TXNDC11: variants seen among roughly 807,000 people sequenced by gnomAD.
The protein encoded by TXNDC11 is thioredoxin domain-containing protein 11.
In TXNDC11, 68 loss-of-function variants were observed where a neutral mutation model predicts 78.0. The ratio of observed to expected loss-of-function variants is 0.87; its 90% CI spans 0.72 to 1.07. TXNDC11 has a LOEUF of 1.07. Ranked by LOEUF, TXNDC11 falls within the 50% of genes least tolerant of loss-of-function variation. TXNDC11 has a pLI of 0.00. For synonymous variants in TXNDC11, 571 were observed against 495.2 expected, an observed-to-expected ratio of 1.15 and a Z score of -2.03; for missense variants, 1,389 against 1,221.8, an observed-to-expected ratio of 1.14 and a Z score of -2.04.
intron 5 of TXNDC11, among the ~76,000 whole-genome samples, chr16:11,702,323 A>G (rs1455174401): frequency 1.3e-5 from 2 of 152,276 alleles, no homozygotes; most frequent in Non-Finnish European, 2.9e-5. Context: ...AAAAAGGTAC[A>G]TTCTTTCCTA....
chr16:11,742,211 G>C (rs915510984), intron 1 of TXNDC11: 2 of 412,696 alleles, frequency 4.8e-6, no homozygotes, highest in African/African-American at 4.2e-5. Flanking sequence ...CAGGTGAGGA[G>C]CACCCCCGAC....
intron 3 of TXNDC11, among the ~76,000 whole-genome samples, chr16:11,731,900 T>A (rs1386061501): frequency 6.6e-6 from 1 of 152,102 alleles, no homozygotes; most frequent in African/African-American, 2.4e-5. Context: ...ACCAACCCCA[T>A]CAACCACCAA....
rs372377067 is a variant in TXNDC11 at position 11,733,974 on chromosome 16, G to C, written c.569+8C>G. 11 of 1,594,084 alleles carry C rather than the reference G, an allele frequency of 6.9e-6. No homozygotes were observed. In the African/African-American group the frequency reaches 1.5e-4, roughly 21 times the overall value. On this transcript the variant is annotated splice_region_variant and intron_variant, in intron 3 of 11. Coordinates refer to ENST00000283033, the MANE Select transcript of TXNDC11 (RefSeq NM_015914.7). Reference sequence around the variant, plus strand: ...TGGAATGAGAGACGCTATTTAAAAAGTTCTTACCTCCGATGATACAGATAT... The same window carrying C: ...TGGAATGAGAGACGCTATTTAAAAACTTCTTACCTCCGATGATACAGATAT...
rs759192885 is a variant in TXNDC11 at position 11,700,547 on chromosome 16, G to GTAC, written c.808_810dup (p.Val270dup). Reference sequence around the variant, plus strand: ...TGTTTATTTGTGATAACCCCAAATCGTACTGTTCCTAGGTAATCTGAAACA... The same window carrying GTAC: ...TGTTTATTTGTGATAACCCCAAATCGTACTACTGTTCCTAGGTAATCTGAAACA... On this transcript the variant is annotated inframe_insertion, in exon 6 of 12. Transcript: ENST00000283033. The GTAC allele has an allele frequency of 5.6e-6, 9 of 1,595,116 alleles. No individual in the cohort carries two copies. Among genetic ancestry groups the GTAC allele is most frequent in the Non-Finnish European group, 7.7e-6 (9 of 1,163,114 alleles).
intron 1 of TXNDC11, among the ~76,000 whole-genome samples, chr16:11,737,874 A>T (rs2052272846): frequency 6.6e-6 from 1 of 151,072 alleles, no homozygotes; most frequent in African/African-American, 2.4e-5. Context: ...AAAAAAAAAA[A>T]GGAAGCAACC....
At chr16:11,690,339 C>A (rs565735963) in intron 8 of TXNDC11, among the ~76,000 whole-genome samples, 68 of 152,318 alleles carry the variant, frequency 4.5e-4, no homozygotes, top group African/African-American at 1.3e-3. Context: ...CATCATGGAG[C>A]CTTACTCCTC....
At chr16:11,724,042 G>C (rs989618720) in intron 4 of TXNDC11, among the ~76,000 whole-genome samples, 1 of 152,142 alleles carries the variant, frequency 6.6e-6, no homozygotes, top group African/African-American at 2.4e-5. Context: ...CAGCACTCAC[G>C]CCTGTAATCC....
Position 11,679,567 on chromosome 16 carries a change from C to T in TXNDC11, c.2505G>A (p.Glu835=), listed in dbSNP as rs1446946593. The part of the protein sequence containing the change: ...ESQLSSARRD[E]HRLRQQQRAL... The stretch of plus-strand genomic sequence containing the variant: ...CCCGCTGCTGCTGCCGCAGCCGGTG[C>T]TCATCTCTGCGGGCACTGGAGAGCT... Residue 835 remains glutamate, a synonymous_variant, in exon 12 of 12, where the codon GAG becomes GAA. Coordinates refer to ENST00000283033, the MANE Select transcript of TXNDC11 (RefSeq NM_015914.7). The surrounding 1 kb of genome is among the most constrained non-coding windows in gnomAD (Gnocchi z 4.6). 6.2e-7 allele frequency: 1 copy of T among 1,613,968 alleles called. No homozygotes were observed. The highest frequency in any genetic ancestry group is 8.5e-7 in the Non-Finnish European group (1 of 1,180,042).
chr16:11,733,871 C>G (rs2052132549), intron 3 of TXNDC11, 111 bp downstream of exon 3: 1 of 739,990 alleles, frequency 1.4e-6, no homozygotes, highest in Non-Finnish European at 2.2e-6. Context: ...TCTGTATTAT[C>G]TGAATTTTCT....
chr16:11,693,387 G>T (rs969310437), intron 7 of TXNDC11, among the ~76,000 whole-genome samples: 1 of 152,124 alleles, frequency 6.6e-6, no homozygotes, highest in Non-Finnish European at 1.5e-5. Flanking sequence ...TAAAACAGAA[G>T]AGTCTGTCAA....
At chr16:11,710,094 G>T (rs987577734) in intron 5 of TXNDC11, among the ~76,000 whole-genome samples, 4 of 152,044 alleles carry the variant, frequency 2.6e-5, no homozygotes, top group Non-Finnish European at 5.9e-5. Context: ...AGCGAGCCAA[G>T]ATCACACCAC....
intron 6 of TXNDC11, among the ~76,000 whole-genome samples, chr16:11,699,843 A>C (rs7196521): frequency 0.058 from 8,837 of 152,300 alleles, 860 homozygotes; most frequent in African/African-American, 0.2. Flanking sequence ...GTGACTTAGG[A>C]AGCAGCAACA....
chr16:11,740,147 A>T (rs557689342), intron 1 of TXNDC11, among the ~76,000 whole-genome samples: 1,557 of 98,784 alleles, frequency 0.016, 28 homozygotes, highest in African/African-American at 0.097. Context: ...GAGCCAAGAT[A>T]AAAAAAAAAA....
intron 8 of TXNDC11, 137 bp downstream of exon 8, chr16:11,691,150 ATGG>A: frequency 1.5e-6 from 1 of 669,324 alleles, no homozygotes; most frequent in Non-Finnish European, 2.5e-6. Flanking sequence ...ATTATGACTG[ATGG>A]TGGTCTAAAG....
Position 11,679,472 on chromosome 16 carries a change from G to GTCT in TXNDC11, c.2597_2599dup (p.Lys866dup). 1 of 1,613,716 alleles carries GTCT rather than the reference G, an allele frequency of 6.2e-7. No individual in the cohort carries two copies. Among genetic ancestry groups the GTCT allele is most frequent in the Non-Finnish European group, 8.5e-7 (1 of 1,180,028 alleles). On this transcript the variant is annotated inframe_insertion, in exon 12 of 12. Transcript: ENST00000283033. The surrounding 1 kb of genome is among the most constrained non-coding windows in gnomAD (Gnocchi z 4.6). ...GCGGGCCAGCTCCTGCAGCTCACGT[G>GTCT]TCTTCTGCTCATAGAGGGCCTGCAG...
At chr16:11,737,757 T>C (rs926211918) in intron 1 of TXNDC11, among the ~76,000 whole-genome samples, 1 of 148,832 alleles carries the variant, frequency 6.7e-6, no homozygotes, top group Non-Finnish European at 1.5e-5. Context: ...TCTCAGCTAC[T>C]CGGGAGGCTG....
intron 8 of TXNDC11, among the ~76,000 whole-genome samples, chr16:11,689,116 T>A (rs1320192289): frequency 6.8e-6 from 1 of 146,638 alleles, no homozygotes; most frequent in African/African-American, 2.6e-5. Flanking sequence ...AGAGACAGGG[T>A]CTCACTCTGT....
intron 7 of TXNDC11, among the ~76,000 whole-genome samples, chr16:11,693,954 A>C (rs529791802): frequency 6.6e-6 from 1 of 152,326 alleles, no homozygotes; most frequent in East Asian, 1.9e-4. Context: ...CAGAAGTCCA[A>C]GTAGGAGATC....
Position 11,705,939 on chromosome 16 carries a change from C to T in TXNDC11, c.794-5375G>A, listed in dbSNP as rs927647785. On this transcript the variant is annotated intron_variant, in intron 5 of 11. Coordinates refer to ENST00000283033, the MANE Select transcript of TXNDC11 (RefSeq NM_015914.7). ...ATAAGCAGAGCTCCAGGGCTTTCTA[C>T]GACAGAAGTCTTAGTCATTTATAAA... 3.9e-5 allele frequency among the ~76,000 whole-genome samples: 6 copies of T among 152,248 alleles called. No homozygotes were observed. In the East Asian group the frequency reaches 7.7e-4, roughly 20 times the overall value.
Sources: gnomAD v4.1 joint callset for allele counts (sites outside exome capture counted in the v4.1 genomes callset) on GRCh38, gnomAD v4.1.1 for gene constraint, Gnocchi (gnomAD v3.1) non-coding constraint, MANE v1.5 for transcripts, NCBI Gene and HGNC (gene_info 2026-07-23, HGNC 2026-07-21) for gene names.